Variants in AGT observed in about 807,000 individuals in gnomAD.
The protein encoded by AGT is angiotensinogen, also known as alpha-1 antiproteinase, antitrypsin.
AGT carries 26 observed loss-of-function variants against 28.1 expected under a neutral mutation model. The ratio of observed to expected loss-of-function variants is 0.92; its 90% CI spans 0.68 to 1.28. AGT has a LOEUF of 1.28. AGT is among the 50% of genes most tolerant of loss of function. AGT has a pLI of 0.00. For missense variants in AGT, 596 were observed against 592.3 expected (o/e 1.01, Z -0.06); for synonymous variants, 259 against 259.6 (o/e 1.00, Z 0.02).
chr1:230,723,716 G>A (rs1192348228), intron 1 of AGT, among the ~76,000 whole-genome samples: 2 of 152,032 alleles, frequency 1.3e-5, no homozygotes, highest in African/African-American at 2.4e-5. Flanking sequence ...TGATTGTTCT[G>A]CTTCTATTTT....
chr1:230,733,394 C>T (rs1031492129), intron 1 of AGT, among the ~76,000 whole-genome samples: 2 of 152,142 alleles, frequency 1.3e-5, no homozygotes, highest in African/African-American at 4.8e-5. Flanking sequence ...TACACTTTTC[C>T]ACATTCTCCT....
At chr1:230,737,169 C>G (rs899492289) in intron 1 of AGT, among the ~76,000 whole-genome samples, 1 of 152,162 alleles carries the variant, frequency 6.6e-6, no homozygotes, top group Admixed American at 6.5e-5. Context: ...GTTCCCCAAA[C>G]CCTTCATCAA....
chr1:230,738,163 T>C (rs1278429696), intron 1 of AGT, among the ~76,000 whole-genome samples: 1 of 152,250 alleles, frequency 6.6e-6, no homozygotes, highest in Non-Finnish European at 1.5e-5. Flanking sequence ...TAAGCATTCA[T>C]GAATAAGTTT....
At chr1:230,741,802 C>G (rs1664252905) in intron 1 of AGT, among the ~76,000 whole-genome samples, 1 of 152,178 alleles carries the variant, frequency 6.6e-6, no homozygotes, top group Admixed American at 6.5e-5. Context: ...GTACAGACAT[C>G]TTGCGAGGAG....
intron 1 of AGT, among the ~76,000 whole-genome samples, chr1:230,742,764 A>G (rs1156338131): frequency 6.6e-6 from 1 of 152,188 alleles, no homozygotes; most frequent in African/African-American, 2.4e-5. Flanking sequence ...AACAGAGGGC[A>G]CTAAGTGCTT....
upstream of AGT, among the ~76,000 whole-genome samples, chr1:230,715,025 A>G (rs1663701038): frequency 6.6e-6 from 1 of 152,070 alleles, no homozygotes; most frequent in South Asian, 2.1e-4. Context: ...AGGGCACTGA[A>G]GGGACAGGAA....
In AGT at chr1:230,703,282, G is replaced by C. The variant is rs1194624397; in HGVS notation, c.1290C>G (p.Pro430=). The C allele has an allele frequency of 6.2e-7, 1 of 1,614,178 alleles. No homozygotes were observed. Among genetic ancestry groups the C allele is most frequent in the East Asian group, 2.2e-5 (1 of 44,862 alleles). ...FFELEADERE[P]TESTQQLNKP... is the part of the protein sequence containing the mutation. Reference sequence around the variant, plus strand: ...TGTTAAGCTGTTGGGTAGACTCTGTGGGCTCTCTCTCATCCGCTTCAAGCT... The same window carrying C: ...TGTTAAGCTGTTGGGTAGACTCTGTCGGCTCTCTCTCATCCGCTTCAAGCT... Residue 430 remains proline, a synonymous_variant, in exon 5 of 5, where the codon CCC becomes CCG. Transcript: ENST00000366667.
At chr1:230,739,204 T>G (rs1434208489) in intron 1 of AGT, among the ~76,000 whole-genome samples, 2 of 151,524 alleles carry the variant, frequency 1.3e-5, no homozygotes, top group Non-Finnish European at 2.9e-5. Context: ...ACAGGTTTTT[T>G]TTTTTTTTTA....
upstream of AGT, among the ~76,000 whole-genome samples, chr1:230,718,869 A>T (rs1663792004): frequency 6.6e-6 from 1 of 151,834 alleles, no homozygotes; most frequent in South Asian, 2.1e-4. Flanking sequence ...GGGACTACAG[A>T]TGCATGCCAT....
intron 3 of AGT, among the ~76,000 whole-genome samples, chr1:230,705,525 G>T (rs1352611768): frequency 6.6e-6 from 1 of 152,222 alleles, no homozygotes; most frequent in African/African-American, 2.4e-5. Context: ...CCCCGCTCAC[G>T]CGAAGTCCGA....
chr1:230,709,349 G>A (rs942818556), intron 2 of AGT, among the ~76,000 whole-genome samples: 4 of 151,914 alleles, frequency 2.6e-5, no homozygotes, highest in Admixed American at 6.6e-5. Flanking sequence ...TGGGAGGATC[G>A]CTTGAGGCCA....
At chr1:230,729,280 C>G (rs1432611775) in intron 1 of AGT, among the ~76,000 whole-genome samples, 1 of 152,146 alleles carries the variant, frequency 6.6e-6, no homozygotes, top group Non-Finnish European at 1.5e-5. Flanking sequence ...TCCTAGCTCC[C>G]GGGCAGTGTT....
chr1:230,713,663 G>T (rs531455029), intron 1 of AGT, among the ~76,000 whole-genome samples: 6 of 152,266 alleles, frequency 3.9e-5, no homozygotes, highest in African/African-American at 1.4e-4. Flanking sequence ...CGAGGGAGGG[G>T]TAGGGTGACC....
At position 230,710,098 on chromosome 1, in the gene AGT, A is replaced by G. The variant is rs970715191; in HGVS notation, c.726T>C (p.Ile242=). Residue 242 remains isoleucine, a synonymous_variant, in exon 2 of 5, where the codon ATT becomes ATC. Coordinates refer to ENST00000366667, the MANE Select transcript of AGT (RefSeq NM_001384479.1). ...CTGTCACAGCCTGCATGAACCTGTCAATCTTCTCAGCAGCAACATCCAGTT... is the reference window on the plus strand; with the variant it reads ...CTGTCACAGCCTGCATGAACCTGTCGATCTTCTCAGCAGCAACATCCAGTT... ...FTELDVAAEK[I]DRFMQAVTGW... is the part of the protein sequence containing the mutation. 8 of 1,614,174 alleles carry G rather than the reference A, an allele frequency of 5.0e-6. No homozygotes were observed. In the Admixed American group the frequency reaches 1.2e-4, roughly 24 times the overall value.
intron 1 of AGT, among the ~76,000 whole-genome samples, chr1:230,721,955 A>C (rs766218701): frequency 6.6e-6 from 1 of 152,264 alleles, no homozygotes; most frequent in Non-Finnish European, 1.5e-5. Context: ...GCCAAATGTT[A>C]ATCACCAAGA....
At chr1:230,731,601 C>T (rs938101405) in intron 1 of AGT, among the ~76,000 whole-genome samples, 1 of 152,192 alleles carries the variant, frequency 6.6e-6, no homozygotes, top group African/African-American at 2.4e-5. Flanking sequence ...CACGATGGCT[C>T]ACGTCTGTAA....
chr1:230,732,937 A>G (rs147146038), intron 1 of AGT, among the ~76,000 whole-genome samples: 47 of 152,102 alleles, frequency 3.1e-4, no homozygotes, highest in African/African-American at 1.0e-3. Flanking sequence ...GCAGACAGGT[A>G]CCTAAAACCA....
intron 1 of AGT, among the ~76,000 whole-genome samples, chr1:230,744,140 C>A (rs888935791): frequency 1.3e-5 from 2 of 152,226 alleles, no homozygotes; most frequent in African/African-American, 4.8e-5. Context: ...AGCCCTTTCC[C>A]TCTGAGCCAC....
rs113688552 is a variant in AGT, at chr1:230,740,200, T to C, written c.-31+5315A>G. 1.6e-3 allele frequency among the ~76,000 whole-genome samples: 247 copies of C among 152,328 alleles called. 3 individuals carry two copies. The highest frequency in any genetic ancestry group is 5.8e-3 in the African/African-American group (241 of 41,580). ...GGGAGTGTCTTTTAGTATGCTAATGTATTATAATTAGTGTATAATGAGCAG... is the reference window on the plus strand; with the variant it reads ...GGGAGTGTCTTTTAGTATGCTAATGCATTATAATTAGTGTATAATGAGCAG... On this transcript the variant is annotated intron_variant, in intron 1 of 4. Transcript: ENST00000681269.
Sources: allele counts gnomAD v4.1 joint callset (sites outside exome capture counted in the v4.1 genomes callset), GRCh38; gene constraint gnomAD v4.1.1; transcripts MANE v1.5; gene names NCBI Gene and HGNC (gene_info 2026-07-23, HGNC 2026-07-21).